Variants in USP34 observed in about 807,000 individuals in gnomAD.
The protein encoded by USP34 is ubiquitin carboxyl-terminal hydrolase 34.
A neutral mutation model predicts 460.3 loss-of-function variants in USP34; 70 were observed. That is an observed-to-expected ratio of 0.15 (90% CI 0.13 to 0.19). USP34 has a LOEUF of 0.19. USP34 is among the 10% of genes least tolerant of loss of function. The pLI is 1.00. For synonymous variants in USP34, 1,647 were observed against 1,405.3 expected (o/e 1.17, Z -3.85); for missense variants, 3,985 against 4,236.2 (o/e 0.94, Z 1.65).
intron 79 of USP34, 33 bp from the exon 80 acceptor site, chr2:61,188,742 C>G (rs772245742): frequency 6.3e-7 from 1 of 1,599,130 alleles, no homozygotes; most frequent in Non-Finnish European, 8.5e-7. Flanking sequence ...GGAAACTTCT[C>G]TGAAAGTCAT....
intron 57 of USP34, among the ~76,000 whole-genome samples, chr2:61,232,745 T>C (rs1470967551): frequency 6.6e-6 from 1 of 151,990 alleles, no homozygotes; most frequent in African/African-American, 2.4e-5. Flanking sequence ...TACATTATAG[T>C]ACACAATGTG....
At position 61,227,152 on chromosome 2, in the gene USP34, G is replaced by T. The variant is rs1438925536; in HGVS notation, c.7510C>A (p.Leu2504Met). ...GCTGGCCTGTATTTTTCTTCTGCCA[G>T]AGAGAGGATATCTTCTTCCTCCTCT... Reference protein sequence around the residue: ...EEEEEEDILSLAEEKYRPAAL... With the variant: ...EEEEEEDILSMAEEKYRPAAL... The change falls in exon 62 of 80, where the codon CTG (leucine) becomes ATG (methionine). Residue 2504 changes from leucine (L) to methionine (M), a missense_variant. Leu to Met is a conservative substitution (Grantham distance 15). Around this residue, in one of 14 missense-constraint regions of USP34, gnomAD observed 604 missense variants for 684.8 expected, o/e 0.88. Coordinates refer to ENST00000398571, the MANE Select transcript of USP34 (RefSeq NM_014709.4). 6.2e-7 allele frequency: 1 copy of T among 1,613,842 alleles called. No individual in the cohort carries two copies. The highest frequency in any genetic ancestry group is 8.5e-7 in the Non-Finnish European group (1 of 1,179,954).
Position 61,294,924 on chromosome 2 carries a change from C to A in USP34, c.4461+25G>T, listed in dbSNP as rs1172628516. ...TGAAGATAAATTATTTTTATCAATA[C>A]ATTGAAAAACACATATGATCAAACC... On this transcript the variant is annotated intron_variant, in intron 32 of 79. Coordinates refer to ENST00000398571, the MANE Select transcript of USP34 (RefSeq NM_014709.4). 10 of 1,572,924 alleles carry A rather than the reference C, an allele frequency of 6.4e-6. No individual in the cohort carries two copies. The African/African-American group carries it at 6.8e-5, about 11-fold the overall frequency.
Position 61,375,927 on chromosome 2 carries a change from C to T in USP34, c.1076+2436G>A, listed in dbSNP as rs568469357. Among the ~76,000 whole-genome samples the T allele has an allele frequency of 1.8e-4, 27 of 151,802 alleles. No individual in the cohort carries two copies. The South Asian group carries it at 4.8e-3, about 27-fold the overall frequency. On this transcript the variant is annotated intron_variant, in intron 8 of 79. Transcript: ENST00000398571. ...ACAATCTCAATGAACCTCAAACAAACGAACAAGAGTATACTAAATGAAAAG... is the reference window on the plus strand; with the variant it reads ...ACAATCTCAATGAACCTCAAACAAATGAACAAGAGTATACTAAATGAAAAG...
At position 61,256,390 on chromosome 2, in the gene USP34, T is replaced by C; in HGVS notation, c.6215A>G (p.Glu2072Gly). 1 of 1,611,552 alleles carries C rather than the reference T, an allele frequency of 6.2e-7. No homozygotes were observed. ...CACATTTGAAAAAGCATACCTTTTT[T>C]CAGCTCGTACTTTCTTCCCACAATG... is the stretch of plus-strand genomic sequence containing the variant. ...CSHCGKKVRA[E>G]KRACFKKLPR... The change falls in exon 48 of 80, where the codon GAA becomes GGA. Residue 2072 changes from glutamate (E) to glycine (G), a missense_variant. Glu to Gly is a moderately conservative substitution (Grantham distance 98). This residue lies in a region of USP34 where 145 missense variants were observed against 291.6 expected (regional missense o/e 0.50). Transcript: ENST00000398571.
intron 2 of USP34, among the ~76,000 whole-genome samples, chr2:61,412,231 A>G (rs1374874324): frequency 6.8e-6 from 1 of 147,690 alleles, no homozygotes; most frequent in African/African-American, 2.6e-5. Flanking sequence ...AGAAAGAAAC[A>G]GAAAGAAAAG....
Position 61,370,240 on chromosome 2 carries a change from A to G in USP34, c.1251+81T>C, listed in dbSNP as rs1037051280. On this transcript the variant is annotated intron_variant, in intron 10 of 79. Coordinates refer to ENST00000398571, the MANE Select transcript of USP34 (RefSeq NM_014709.4). Reference sequence around the variant, plus strand: ...TTGGTCTCCTTAGCTATAAAACAGGATAATAGAATTTACCTCACAGAGAAG... The same window carrying G: ...TTGGTCTCCTTAGCTATAAAACAGGGTAATAGAATTTACCTCACAGAGAAG... 13 of 1,424,806 alleles carry G rather than the reference A, an allele frequency of 9.1e-6. No individual in the cohort carries two copies. The Admixed American group carries it at 1.6e-4, about 17-fold the overall frequency. 88.3% of individuals were successfully genotyped at this position (1,424,806 alleles called of 1,614,324 possible). A position where few individuals can be genotyped will look rare whatever the true frequency, so the allele number is the denominator to read the frequency against.
At chr2:61,391,400 T>C (rs1422500142) in intron 5 of USP34, among the ~76,000 whole-genome samples, 3 of 152,158 alleles carry the variant, frequency 2.0e-5, no homozygotes, top group African/African-American at 7.2e-5. Flanking sequence ...CAGGAAATGC[T>C]ATAAACATGT....
chr2:61,316,406 G>A (rs916244416), intron 23 of USP34, among the ~76,000 whole-genome samples: 15 of 151,824 alleles, frequency 9.9e-5, no homozygotes, highest in African/African-American at 3.6e-4. Flanking sequence ...TCAACGTGGT[G>A]AAAACCCAAC....
intron 1 of USP34, among the ~76,000 whole-genome samples, chr2:61,440,414 T>A (rs895836978): frequency 6.6e-6 from 1 of 152,150 alleles, no homozygotes; most frequent in Non-Finnish European, 1.5e-5. Flanking sequence ...AAACAGTGAT[T>A]GCGGCTTCCT....
intron 57 of USP34, among the ~76,000 whole-genome samples, chr2:61,234,473 A>C (rs540940057): frequency 6.6e-6 from 1 of 152,256 alleles, no homozygotes; most frequent in African/African-American, 2.4e-5. Flanking sequence ...TGATCTACTG[A>C]GACAGGTGGA....
In USP34 at chr2:61,192,890, A is replaced by G. The variant is rs200281894; in HGVS notation, c.9588+11T>C. The G allele has an allele frequency of 1.3e-4, 210 of 1,610,750 alleles. No homozygotes were observed. The African/African-American group carries it at 1.3e-3, about 10-fold the overall frequency. ...ATTAAAGACCAATCATCTAAAACTC[A>G]TTTTCTTTACCTGAGTCTGGCATAG... On this transcript the variant is annotated intron_variant, in intron 76 of 79. Transcript: ENST00000398571.
chr2:61,329,088 C>G (rs2103724093), intron 20 of USP34, among the ~76,000 whole-genome samples: 1 of 152,318 alleles, frequency 6.6e-6, no homozygotes, highest in South Asian at 2.1e-4. Flanking sequence ...GTGGTGCGAG[C>G]TCGGCTCACT....
intron 34 of USP34, among the ~76,000 whole-genome samples, chr2:61,287,937 C>T (rs974735445): frequency 6.6e-6 from 1 of 152,198 alleles, no homozygotes; most frequent in East Asian, 1.9e-4. Context: ...TATGCTAGGG[C>T]AAATATATCA....
Position 61,309,838 on chromosome 2 carries a change from C to T in USP34, c.3817+1702G>A, listed in dbSNP as rs149272196. 3.8e-3 allele frequency among the ~76,000 whole-genome samples: 583 copies of T among 152,276 alleles called. 2 individuals carry two copies. Among genetic ancestry groups the T allele is most frequent in the African/African-American group, 0.012 (508 of 41,544 alleles). Reference sequence around the variant, plus strand: ...TGTGTCTTAACTGCGCTGATACATACACTTGAGAACCTTCCCACTGATATC... The same window carrying T: ...TGTGTCTTAACTGCGCTGATACATATACTTGAGAACCTTCCCACTGATATC... On this transcript the variant is annotated intron_variant, in intron 27 of 79. Transcript: ENST00000398571.
rs1691516147 is a variant in USP34 at position 61,339,237 on chromosome 2, GATT to G, written c.2744+111_2744+113del. ...TGAAAACTATAATTACTAAAAAACA[GATT>G]AATACAGGTATATGAAACAGTATAA... On this transcript the variant is annotated intron_variant, in intron 18 of 79. Coordinates refer to ENST00000398571, the MANE Select transcript of USP34 (RefSeq NM_014709.4). The G allele has an allele frequency of 1.6e-5, 17 of 1,031,644 alleles. No individual in the cohort carries two copies. In the South Asian group the frequency reaches 3.5e-4, roughly 22 times the overall value. 63.9% of individuals were successfully genotyped at this position (1,031,644 alleles called of 1,614,324 possible).
At chr2:61,361,604 C>T (rs1343097701) in intron 10 of USP34, among the ~76,000 whole-genome samples, 1 of 143,566 alleles carries the variant, frequency 7.0e-6, no homozygotes, top group Non-Finnish European at 1.6e-5. Context: ...AACCTGATAT[C>T]CACATACAGA....
At chr2:61,390,594 C>CA (rs1693313703) in intron 5 of USP34, among the ~76,000 whole-genome samples, 1 of 152,190 alleles carries the variant, frequency 6.6e-6, no homozygotes, top group Non-Finnish European at 1.5e-5. Context: ...TCCTAAAACT[C>CA]AGAGCTAGTT....
Position 61,406,067 on chromosome 2 carries a change from C to A in USP34, c.193G>T (p.Ala65Ser), listed in dbSNP as rs748013290. 1 of 1,613,608 alleles carries A rather than the reference C, an allele frequency of 6.2e-7. No homozygotes were observed. The highest frequency in any genetic ancestry group is 2.2e-5 in the East Asian group (1 of 44,822). ...HLEIFNQVVC[A>S]LINLVIAQVQ... ...TGGGCAATCACTAAGTTAATAAGTG[C>A]ACACACTACTTGATTAAAAATCTCC... is the stretch of plus-strand genomic sequence containing the variant. Residue 65 changes from alanine (A) to serine (S), a missense_variant, in exon 3 of 80, where the codon GCA becomes TCA. This residue lies in a region of USP34 where 331 missense variants were observed against 293.7 expected (regional missense o/e 1.13). Transcript: ENST00000398571.
Sources: gnomAD v4.1 joint callset for allele counts (sites outside exome capture counted in the v4.1 genomes callset) on GRCh38, gnomAD v4.1.1 for gene constraint, gnomAD v4.1.1 regional missense constraint, MANE v1.5 for transcripts, NCBI Gene and HGNC (gene_info 2026-07-23, HGNC 2026-07-21) for gene names.